The following SPATA18 variants were observed in gnomAD, a reference collection of about 807,000 sequenced individuals.
The protein encoded by SPATA18 is mitochondria-eating protein.
A neutral mutation model predicts 68.1 loss-of-function variants in SPATA18; 54 were observed. The observed-to-expected ratio is 0.79, with a 90% CI of 0.64 to 0.99. The LOEUF is 0.99. Ranked by LOEUF, SPATA18 falls within the 50% of genes least tolerant of loss-of-function variation. The pLI is 0.00. For missense variants in SPATA18, 724 were observed against 681.1 expected (o/e 1.06, Z -0.70); for synonymous variants, 242 against 244.8 (o/e 0.99, Z 0.11).
In SPATA18 at chr4:52,095,075, CTATTT is replaced by C; in HGVS notation, c.*197_*201del. The C allele has an allele frequency of 3.2e-6, 2 of 622,406 alleles. No homozygotes were observed. 38.6% of individuals were successfully genotyped at this position (622,406 alleles called of 1,614,324 possible). ...TTTGTAACTTTAGATATATTGCATT[CTATTT>C]TATTTTATAGATACTAATTCCATTA... On this transcript the variant is annotated 3_prime_UTR_variant, in exon 13 of 13. Transcript: ENST00000295213.
chr4:52,079,785 C>A lies in SPATA18; in HGVS notation c.1221C>A (p.Phe407Leu), dbSNP rs1010080376. ...TGAATGTCAATCCCAAGATTTCATT[C>A]CCTCCTGTCGTTGACTTTTGCCTTC... The part of the protein sequence containing the change: ...RAMNVNPKIS[F>L]PPVVDFCLLS... Residue 407 changes from phenylalanine to leucine, a missense_variant, in exon 9 of 13, where the codon TTC becomes TTA. By Grantham distance (22) the Phe-to-Leu change is conservative. Coordinates refer to ENST00000295213, the MANE Select transcript of SPATA18 (RefSeq NM_145263.4). The A allele has an allele frequency of 6.2e-7, 1 of 1,613,960 alleles. No homozygotes were observed. The highest frequency in any genetic ancestry group is 8.5e-7 in the Non-Finnish European group (1 of 1,179,930).
intron 7 of SPATA18, among the ~76,000 whole-genome samples, chr4:52,077,639 G>C (rs897590864): frequency 2.0e-5 from 3 of 152,114 alleles, no homozygotes; most frequent in Non-Finnish European, 4.4e-5. Context: ...TGTCTAATAT[G>C]AGCATATGCA....
rs1737897244 is a variant in SPATA18, at chr4:52,051,799, T to C, written c.87+8T>C. ...TGGCTGAAGGAGTACAACGTGAGTC[T>C]GGGTGAAAAACCCCCGGGGTTCGCC... On this transcript the variant is annotated splice_region_variant and intron_variant, in intron 1 of 12. Transcript: ENST00000295213. 6.2e-7 allele frequency: 1 copy of C among 1,613,236 alleles called. No homozygotes were observed. The highest frequency in any genetic ancestry group is 1.6e-4 in the Middle Eastern group (1 of 6,062).
chr4:52,053,602 T>C (rs2109398194), intron 1 of SPATA18, among the ~76,000 whole-genome samples: 1 of 152,350 alleles, frequency 6.6e-6, no homozygotes, highest in Non-Finnish European at 1.5e-5. Context: ...ATGCTCAGAA[T>C]GCTCAAAGTC....
At chr4:52,056,526 G>A (rs1335657741) in intron 1 of SPATA18, among the ~76,000 whole-genome samples, 1 of 150,636 alleles carries the variant, frequency 6.6e-6, no homozygotes, top group Non-Finnish European at 1.5e-5. Context: ...ACCACTACTG[G>A]ACATTCCATC....
At chr4:52,092,191 A>C (rs527861296) in intron 11 of SPATA18, among the ~76,000 whole-genome samples, 2 of 151,348 alleles carry the variant, frequency 1.3e-5, no homozygotes, top group Non-Finnish European at 2.9e-5. Context: ...GCCTGGGTTC[A>C]TTGCCCCCTT....
chr4:52,090,058 C>G (rs538062221), intron 11 of SPATA18, among the ~76,000 whole-genome samples: 2 of 152,260 alleles, frequency 1.3e-5, no homozygotes, highest in East Asian at 3.9e-4. Flanking sequence ...CTCTTTTGAT[C>G]TTTGTTGGTT....
chr4:52,053,120 C>T (rs950118833), intron 1 of SPATA18, among the ~76,000 whole-genome samples: 1 of 151,874 alleles, frequency 6.6e-6, no homozygotes, highest in Non-Finnish European at 1.5e-5. Flanking sequence ...GCCCAGTGGC[C>T]TAACTAAACT....
At chr4:52,084,861 T>C in intron 10 of SPATA18, 55 bp from the exon 11 acceptor site, 1 of 1,548,880 alleles carries the variant, frequency 6.5e-7, no homozygotes, top group Non-Finnish European at 8.9e-7. Flanking sequence ...TTTTGAGCCA[T>C]GACAGTTTTC....
intron 5 of SPATA18, among the ~76,000 whole-genome samples, chr4:52,071,262 TCTC>T (rs1739817363): frequency 6.6e-6 from 1 of 152,236 alleles, no homozygotes. Context: ...CATCTTCTCT[TCTC>T]CTGGCTTTTG....
chr4:52,085,462 A>C (rs1482391553), intron 11 of SPATA18, among the ~76,000 whole-genome samples: 1 of 152,228 alleles, frequency 6.6e-6, no homozygotes, highest in African/African-American at 2.4e-5. Flanking sequence ...TAGAAAAAAT[A>C]AGGTTTTTTT....
chr4:52,082,674 T>G, intron 10 of SPATA18, 164 bp downstream of exon 10: 1 of 1,490,556 alleles, frequency 6.7e-7, no homozygotes, highest in Non-Finnish European at 8.9e-7. Flanking sequence ...GATTCTTTTC[T>G]TTGATTCTTC....
At chr4:52,090,070 A>C (rs1032947089) in intron 11 of SPATA18, among the ~76,000 whole-genome samples, 2 of 152,110 alleles carry the variant, frequency 1.3e-5, no homozygotes, top group South Asian at 4.1e-4. Context: ...TTGTTGGTTT[A>C]AAGTCTGTTT....
intron 6 of SPATA18, among the ~76,000 whole-genome samples, chr4:52,076,555 G>A (rs1386008457): frequency 6.6e-6 from 1 of 152,164 alleles, no homozygotes; most frequent in Non-Finnish European, 1.5e-5. Flanking sequence ...AAGAACGCAT[G>A]CATTCTGGAG....
chr4:52,087,927 G>A (rs976714109), intron 11 of SPATA18, among the ~76,000 whole-genome samples: 5 of 152,118 alleles, frequency 3.3e-5, no homozygotes, highest in African/African-American at 7.2e-5. Flanking sequence ...CCATTTATTT[G>A]TGTCTTCTCT....
intron 11 of SPATA18, among the ~76,000 whole-genome samples, chr4:52,085,578 A>G (rs150142228): frequency 4.6e-5 from 7 of 152,292 alleles, no homozygotes; most frequent in Admixed American, 3.3e-4. Flanking sequence ...AAACATTATT[A>G]TGGGCTGGGT....
chr4:52,070,435 G>C (rs1160958513), intron 5 of SPATA18, among the ~76,000 whole-genome samples: 1 of 150,002 alleles, frequency 6.7e-6, no homozygotes, highest in Non-Finnish European at 1.5e-5. Context: ...TGAACTGTCA[G>C]ATTATTCCTT....
intron 10 of SPATA18, chr4:52,083,222 C>A: frequency 1.0e-6 from 1 of 985,322 alleles, no homozygotes; most frequent in Non-Finnish European, 1.2e-6. Flanking sequence ...TTTACCCCTG[C>A]CTTTCCTAGA....
chr4:52,062,107 T>C, intron 3 of SPATA18, 113 bp from the exon 4 acceptor site: 1 of 645,608 alleles, frequency 1.5e-6, no homozygotes. Flanking sequence ...TTCATGTGCA[T>C]GGAGCCGTGC....
Sources: allele counts gnomAD v4.1 joint callset (sites outside exome capture counted in the v4.1 genomes callset), GRCh38; gene constraint gnomAD v4.1.1; transcripts MANE v1.5; gene names NCBI Gene and HGNC (gene_info 2026-07-23, HGNC 2026-07-21).